The following ZFR variants were observed in gnomAD, a reference collection of about 807,000 sequenced individuals.
The protein encoded by ZFR is zinc finger RNA binding protein.
ZFR carries 19 observed loss-of-function variants against 130.7 expected under a neutral mutation model. The observed-to-expected ratio is 0.15, with a 90% CI of 0.10 to 0.21. The LOEUF (loss-of-function observed/expected upper bound fraction) is 0.21. Among genes scored for constraint, ZFR ranks in the 10% least tolerant of loss-of-function variants. ZFR has a pLI of 1.00. For synonymous variants in ZFR, 466 were observed against 456.9 expected (o/e 1.02, Z -0.25); for missense variants, 872 against 1,321.5 (o/e 0.66, Z 5.27).
chr5:32,412,926 T>C (rs1753741788), intron 5 of ZFR, among the ~76,000 whole-genome samples: 1 of 152,146 alleles, frequency 6.6e-6, no homozygotes, highest in South Asian at 2.1e-4. Context: ...GGCTCATGCC[T>C]GTATTGTAAT....
intron 14 of ZFR, 100 bp downstream of exon 14, chr5:32,387,449 T>A (rs1486162557): frequency 1.4e-6 from 2 of 1,422,436 alleles, no homozygotes; most frequent in Non-Finnish European, 1.9e-6. Flanking sequence ...CAAGCCAAAA[T>A]TTTAAAGGCT....
intron 2 of ZFR, among the ~76,000 whole-genome samples, chr5:32,440,937 C>A (rs1754457750): frequency 6.6e-6 from 1 of 152,086 alleles, no homozygotes; most frequent in African/African-American, 2.4e-5. Flanking sequence ...AAATATCTTA[C>A]AGAACTGTAA....
chr5:32,414,266 G>T (rs565882241), intron 5 of ZFR, among the ~76,000 whole-genome samples: 114 of 152,264 alleles, frequency 7.5e-4, no homozygotes, highest in African/African-American at 2.7e-3. Flanking sequence ...AAATCTCTGA[G>T]AAATAAAAGA....
intron 15 of ZFR, among the ~76,000 whole-genome samples, chr5:32,382,921 T>G (rs1752963505): frequency 6.6e-6 from 1 of 152,226 alleles, no homozygotes; most frequent in Non-Finnish European, 1.5e-5. Context: ...TAACACCCAG[T>G]TAACAAAGCA....
chr5:32,420,561 A>G (rs1015321790), intron 2 of ZFR, among the ~76,000 whole-genome samples: 1 of 152,246 alleles, frequency 6.6e-6, no homozygotes, highest in African/African-American at 2.4e-5. Context: ...AAGAAATTTA[A>G]GGTAGAAACT....
At chr5:32,413,218 AAAAACAAAAC>A (rs376642773) in intron 5 of ZFR, among the ~76,000 whole-genome samples, 2,521 of 151,898 alleles carry the variant, frequency 0.017, 35 homozygotes, top group Non-Finnish European at 0.026. Context: ...AAACAAAACA[AAAAACAAAAC>A]AAAACAAAAC....
In ZFR at chr5:32,376,595, G is replaced by A. The variant is rs111624228; in HGVS notation, c.2835+2520C>T. On this transcript the variant is annotated intron_variant, in intron 17 of 19. Transcript: ENST00000265069. ...TGCACTCCAGCCTGGGCGACAGAGC[G>A]AGACTCTGTGTCAAAAAAAAAGAAA... Among the ~76,000 whole-genome samples, 367 of 147,580 alleles carry A rather than the reference G, an allele frequency of 2.5e-3. 3 individuals are homozygous for A. The highest frequency in any genetic ancestry group is 8.7e-3 in the African/African-American group (349 of 40,046).
At chr5:32,364,110 A>G in intron 18 of ZFR, 54 bp downstream of exon 18, 1 of 1,598,250 alleles carries the variant, frequency 6.3e-7, no homozygotes, top group South Asian at 1.1e-5. Context: ...AAATTATTCA[A>G]CCAGCAAATG....
In ZFR at chr5:32,400,052, A is replaced by T; in HGVS notation, c.1668T>A (p.Ala556=). Residue 556 remains alanine (A), a synonymous_variant, in exon 9 of 20, where the codon GCT becomes GCA. Transcript: ENST00000265069. ...CCACTGGCTGCACATCACTCTGTAA[A>T]GCAGCAAGAGATGCAGGTGTGACTG... ...SEPVTPASLA[A]LQSDVQPVGH... is the part of the protein sequence containing the mutation. The T allele has an allele frequency of 6.2e-7, 1 of 1,613,172 alleles. No homozygotes were observed. The highest frequency in any genetic ancestry group is 8.5e-7 in the Non-Finnish European group (1 of 1,179,512).
At chr5:32,408,113 T>C (rs1170558014) in intron 5 of ZFR, among the ~76,000 whole-genome samples, 1 of 152,118 alleles carries the variant, frequency 6.6e-6, no homozygotes, top group Non-Finnish European at 1.5e-5. Context: ...ACACTACCTA[T>C]GTGCAAGTAG....
rs996453900 is a variant in ZFR at position 32,363,051 on chromosome 5, A to G, written c.3045+897T>C. On this transcript the variant is annotated intron_variant, in intron 19 of 19. Transcript: ENST00000265069. ...CATATTTTGAGTCTGTAAGATATCC[A>G]TAATATTCTATTACTACTCTCTCTC... Among the ~76,000 whole-genome samples, 5 of 152,348 alleles carry G rather than the reference A, an allele frequency of 3.3e-5. No homozygotes were observed. In the East Asian group the frequency reaches 9.6e-4, roughly 29 times the overall value.
Position 32,397,291 on chromosome 5 carries a change from G to A in ZFR, c.1761C>T (p.Cys587=), listed in dbSNP as rs1251131886. 6.8e-6 allele frequency: 11 copies of A among 1,612,434 alleles called. No homozygotes were observed. Among genetic ancestry groups the A allele is most frequent in the East Asian group, 4.5e-5 (2 of 44,840 alleles). ...GKVIRFHCKL[C]ECSFNDPNAK... ...CATTGGGATCATTAAAGCTGCACTC[G>A]CATAATTTACAATGGAACCGAATTA... The change falls in exon 10 of 20, where the codon TGC becomes TGT. Residue 587 remains cysteine (C), a synonymous_variant. Transcript: ENST00000265069.
At chr5:32,377,460 G>C (rs1406457115) in intron 17 of ZFR, among the ~76,000 whole-genome samples, 1 of 150,150 alleles carries the variant, frequency 6.7e-6, no homozygotes, top group Non-Finnish European at 1.5e-5. Context: ...AATTACAGGC[G>C]TGAGCCACCG....
At chr5:32,359,129 G>C (rs1752375702) in intron 19 of ZFR, among the ~76,000 whole-genome samples, 1 of 151,550 alleles carries the variant, frequency 6.6e-6, no homozygotes, top group South Asian at 2.1e-4. Context: ...GGCTGCAGTG[G>C]GCCCAGATGG....
chr5:32,444,126 G>T (rs1581723723), intron 2 of ZFR, 103 bp downstream of exon 2: 44 of 1,329,462 alleles, frequency 3.3e-5, no homozygotes, highest in Non-Finnish European at 4.3e-5. Flanking sequence ...CAGCGGGCCG[G>T]GGCTCTGGGA....
At position 32,367,845 on chromosome 5, in the gene ZFR, T is replaced by C. The variant is rs7725175; in HGVS notation, c.2836-3570A>G. 3.8e-3 allele frequency among the ~76,000 whole-genome samples: 578 copies of C among 152,330 alleles called. 7 individuals carry two copies. Among genetic ancestry groups the C allele is most frequent in the African/African-American group, 0.013 (555 of 41,574 alleles). ...AGGCACCATGCTAAATGATCACTTA[T>C]ATGCATAATTTAATTCAAGATGGAA... On this transcript the variant is annotated intron_variant, in intron 17 of 19. Coordinates refer to ENST00000265069, the MANE Select transcript of ZFR (RefSeq NM_016107.5).
chr5:32,391,826 C>T (rs968772871), intron 11 of ZFR, among the ~76,000 whole-genome samples: 4 of 151,942 alleles, frequency 2.6e-5, no homozygotes, highest in Non-Finnish European at 4.4e-5. Flanking sequence ...CTTGACCTCC[C>T]ATGATCAGGT....
intron 2 of ZFR, among the ~76,000 whole-genome samples, chr5:32,426,970 A>G (rs1178971697): frequency 2.0e-5 from 3 of 151,566 alleles, no homozygotes; most frequent in Non-Finnish European, 4.4e-5. Context: ...ACATCATTTT[A>G]TACATGGAAA....
At chr5:32,405,384 T>C (rs1235277027) in intron 6 of ZFR, among the ~76,000 whole-genome samples, 3 of 152,200 alleles carry the variant, frequency 2.0e-5, no homozygotes, top group Non-Finnish European at 2.9e-5. Context: ...TCAATCTCAA[T>C]GATATTTTTC....
Sources: gnomAD v4.1 joint callset for allele counts (sites outside exome capture counted in the v4.1 genomes callset) on GRCh38, gnomAD v4.1.1 for gene constraint, MANE v1.5 for transcripts, NCBI Gene and HGNC (gene_info 2026-07-23, HGNC 2026-07-21) for gene names.